The following MAGI2 variants were observed in gnomAD, a reference collection of about 807,000 sequenced individuals.
MAGI2 encodes membrane associated guanylate kinase, WW and PDZ domain containing 2.
MAGI2 carries 35 observed loss-of-function variants against 133.3 expected under a neutral mutation model. That is an observed-to-expected ratio of 0.26 (90% CI 0.20 to 0.35). The LOEUF is 0.35. MAGI2 is among the 10% of genes least tolerant of loss of function. The probability of loss-of-function intolerance (pLI) is 1.00; values close to 1 mark genes in which losing one functional copy is unlikely to be tolerated. For synonymous variants in MAGI2, 729 were observed against 710.6 expected, an observed-to-expected ratio of 1.03 and a Z score of -0.41; for missense variants, 1,636 against 1,863.4, an observed-to-expected ratio of 0.88 and a Z score of 2.25.
At chr7:78,906,166 G>C (rs1797979562) in intron 2 of MAGI2, among the ~76,000 whole-genome samples, 1 of 152,220 alleles carries the variant, frequency 6.6e-6, no homozygotes, top group Admixed American at 6.5e-5. Context: ...CATGTTGATT[G>C]TTATTAGTAA....
chr7:78,380,037 C>G (rs1794778085), intron 6 of MAGI2, among the ~76,000 whole-genome samples: 2 of 150,582 alleles, frequency 1.3e-5, no homozygotes. Flanking sequence ...AAAACAGTGA[C>G]CAGAAGAAAT....
At chr7:78,699,993 T>A (rs1226692760) in intron 2 of MAGI2, among the ~76,000 whole-genome samples, 1 of 152,174 alleles carries the variant, frequency 6.6e-6, no homozygotes. Flanking sequence ...AAATTAATTT[T>A]AGTTAAATAG....
chr7:78,721,288 C>T (rs1016093246), intron 2 of MAGI2, among the ~76,000 whole-genome samples: 1 of 151,854 alleles, frequency 6.6e-6, no homozygotes, highest in African/African-American at 2.4e-5. Context: ...TGTATATGCC[C>T]AGAATGTATA....
intron 15 of MAGI2, among the ~76,000 whole-genome samples, chr7:78,163,861 C>T (rs185411327): frequency 2.4e-3 from 360 of 147,770 alleles, no homozygotes; most frequent in African/African-American, 8.3e-3. Context: ...GAGCTGAGAT[C>T]GCGCCACTGC....
intron 1 of MAGI2, among the ~76,000 whole-genome samples, chr7:79,050,815 T>C (rs1286493020): frequency 6.6e-6 from 1 of 152,212 alleles, no homozygotes; most frequent in Non-Finnish European, 1.5e-5. Flanking sequence ...GACTCTGAAT[T>C]CCTGCTTTTA....
At chr7:78,792,527 A>G (rs1787257117) in intron 2 of MAGI2, among the ~76,000 whole-genome samples, 1 of 152,232 alleles carries the variant, frequency 6.6e-6, no homozygotes. Flanking sequence ...TGTTGAGAGG[A>G]GCATATCCTA....
chr7:78,674,983 A>G (rs321978), intron 2 of MAGI2, among the ~76,000 whole-genome samples: 30,287 of 152,082 alleles, frequency 0.2, 3,334 homozygotes, highest in East Asian at 0.41. Context: ...ATTAGGACAA[A>G]GCTTTCTCTT....
At chr7:79,203,693 G>T (rs368393650) in intron 1 of MAGI2, among the ~76,000 whole-genome samples, 25 of 151,754 alleles carry the variant, frequency 1.6e-4, no homozygotes, top group African/African-American at 6.1e-4. Context: ...CAAGGGGACA[G>T]AAAAAAAACC....
At chr7:78,749,306 C>A (rs1823229525) in intron 2 of MAGI2, among the ~76,000 whole-genome samples, 1 of 152,076 alleles carries the variant, frequency 6.6e-6, no homozygotes, top group South Asian at 2.1e-4. Flanking sequence ...AGGCAAGGCA[C>A]TATTCTAAAC....
intron 2 of MAGI2, among the ~76,000 whole-genome samples, chr7:78,923,173 G>A (rs1799399845): frequency 6.6e-6 from 1 of 152,042 alleles, no homozygotes; most frequent in African/African-American, 2.4e-5. Flanking sequence ...AGTTTCTTTT[G>A]CTGTGCAGAA....
At chr7:78,690,021 G>A (rs1816792302) in intron 2 of MAGI2, among the ~76,000 whole-genome samples, 2 of 152,074 alleles carry the variant, frequency 1.3e-5, no homozygotes, top group African/African-American at 4.8e-5. Context: ...AATTGGGTAT[G>A]AAATCATGTT....
chr7:78,624,756 C>T (rs1451305047), intron 3 of MAGI2, among the ~76,000 whole-genome samples: 1 of 152,010 alleles, frequency 6.6e-6, no homozygotes, highest in East Asian at 1.9e-4. Flanking sequence ...CACGTATTTA[C>T]CTACGTAACT....
chr7:78,181,074 C>T (rs1302151549), intron 13 of MAGI2, among the ~76,000 whole-genome samples: 7 of 151,804 alleles, frequency 4.6e-5, no homozygotes, highest in Admixed American at 3.9e-4. Flanking sequence ...CTTTTTCCTT[C>T]CTGCTTTGTT....
intron 2 of MAGI2, among the ~76,000 whole-genome samples, chr7:78,754,057 A>G (rs1823711238): frequency 6.6e-6 from 1 of 152,200 alleles, no homozygotes; most frequent in Non-Finnish European, 1.5e-5. Context: ...GGAAACTTGC[A>G]TATTTAGGAA....
At chr7:78,153,612 G>A in intron 16 of MAGI2, among the ~76,000 whole-genome samples, 1 of 152,156 alleles carries the variant, frequency 6.6e-6, no homozygotes, top group Non-Finnish European at 1.5e-5. Context: ...AACTCAAAGT[G>A]TTAGGAGCCA....
intron 1 of MAGI2, among the ~76,000 whole-genome samples, chr7:79,031,262 C>T (rs1434439826): frequency 6.6e-6 from 1 of 152,126 alleles, no homozygotes; most frequent in Non-Finnish European, 1.5e-5. Context: ...ATGGCATTTA[C>T]CACTATCTAA....
At chr7:78,196,492 C>T (rs962821949) in intron 11 of MAGI2, among the ~76,000 whole-genome samples, 1 of 152,192 alleles carries the variant, frequency 6.6e-6, no homozygotes, top group East Asian at 1.9e-4. Context: ...AACTTTCTGT[C>T]CCCTATGGCA....
At chr7:79,277,567 A>G (rs1835326414) in intron 1 of MAGI2, among the ~76,000 whole-genome samples, 1 of 152,132 alleles carries the variant, frequency 6.6e-6, no homozygotes, top group Non-Finnish European at 1.5e-5. Context: ...TACATGCTAT[A>G]ATGATACAAG....
intron 1 of MAGI2, among the ~76,000 whole-genome samples, chr7:79,275,661 AG>A (rs986432149): frequency 2.2e-4 from 33 of 152,294 alleles, no homozygotes; most frequent in African/African-American, 7.9e-4. Flanking sequence ...TTTCACAGCT[AG>A]GAAGAAGTCA....
Sources: allele counts gnomAD v4.1 joint callset (sites outside exome capture counted in the v4.1 genomes callset), GRCh38; gene constraint gnomAD v4.1.1; transcripts MANE v1.5; gene names NCBI Gene and HGNC (gene_info 2026-07-23, HGNC 2026-07-21).